GALNT13: variants seen among roughly 807,000 people sequenced by gnomAD.
GALNT13 encodes polypeptide N-acetylgalactosaminyltransferase 13.
In GALNT13, 28 loss-of-function variants were observed where a neutral mutation model predicts 64.2. That is an observed-to-expected ratio of 0.44 (90% CI 0.32 to 0.60). The LOEUF (loss-of-function observed/expected upper bound fraction) is 0.60. Among genes scored for constraint, GALNT13 ranks in the 20% least tolerant of loss-of-function variants. The probability of loss-of-function intolerance (pLI) is 0.05; values close to 1 mark genes in which losing one functional copy is unlikely to be tolerated. For missense variants in GALNT13, 577 were observed against 669.8 expected, an observed-to-expected ratio of 0.86 and a Z score of 1.53; for synonymous variants, 214 against 224.6, an observed-to-expected ratio of 0.95 and a Z score of 0.42.
chr2:153,246,081 G>A, the GALNT13 span, among the ~76,000 whole-genome samples: 4 of 151,014 alleles, frequency 2.6e-5, no homozygotes, highest in African/African-American at 4.9e-5. Context: ...GAAATAAAGT[G>A]TGAAGACAAG....
At chr2:154,374,265 C>T (rs1697855094) in intron 9 of GALNT13, among the ~76,000 whole-genome samples, 1 of 152,110 alleles carries the variant, frequency 6.6e-6, no homozygotes, top group African/African-American at 2.4e-5. Context: ...ATCTAGATCT[C>T]CCTTTGTTGA....
intron 11 of GALNT13, among the ~76,000 whole-genome samples, chr2:154,426,090 A>G (rs1182504334): frequency 2.6e-5 from 4 of 152,188 alleles, no homozygotes. Flanking sequence ...CAGCTGAAAT[A>G]TAGGTGTTGG....
chr2:153,276,300 C>A, the GALNT13 span, among the ~76,000 whole-genome samples: 1 of 151,968 alleles, frequency 6.6e-6, no homozygotes, highest in Non-Finnish European at 1.5e-5. Flanking sequence ...TATCAAAGTT[C>A]ATTCTTTTAT....
rs546439481 is a variant in GALNT13 at position 154,148,911 on chromosome 2, TG to T, written c.311+8407del. On this transcript the variant is annotated intron_variant, in intron 4 of 12. Transcript: ENST00000392825. ...ACTCTGATGGTAGTTTCTTTTGCTG[TG>T]CAGAAGCTCTTGAGTTTAATTAGAT... 7.0e-3 allele frequency among the ~76,000 whole-genome samples: 1,071 copies of T among 152,296 alleles called. 13 individuals carry two copies. The highest frequency in any genetic ancestry group is 0.025 in the African/African-American group (1,033 of 41,566).
At chr2:153,839,673 T>A in the GALNT13 span, among the ~76,000 whole-genome samples, 1 of 151,950 alleles carries the variant, frequency 6.6e-6, no homozygotes, top group Non-Finnish European at 1.5e-5. Flanking sequence ...TATTCATAAT[T>A]TGCAACTTCA....
rs140005270 is a variant in GALNT13 at position 153,946,205 on chromosome 2, A to G, written c.142+1566A>G. 2.4e-3 allele frequency among the ~76,000 whole-genome samples: 369 copies of G among 152,236 alleles called. 8 individuals carry two copies. In the East Asian group the frequency reaches 0.056, roughly 23 times the overall value. On this transcript the variant is annotated intron_variant, in intron 3 of 12. Transcript: ENST00000392825. ...ACTCTGTCATTTGTTGAAGGAAACC[A>G]TCTAGGTTGGTCACATACAAAAAAT...
chr2:154,122,570 G>A (rs1682013345), intron 3 of GALNT13, among the ~76,000 whole-genome samples: 2 of 151,888 alleles, frequency 1.3e-5, no homozygotes, highest in African/African-American at 4.8e-5. Context: ...TTCTTTGTTG[G>A]AAGTATAATT....
At chr2:154,289,396 G>A (rs934821306) in intron 8 of GALNT13, among the ~76,000 whole-genome samples, 1 of 152,166 alleles carries the variant, frequency 6.6e-6, no homozygotes, top group Non-Finnish European at 1.5e-5. Flanking sequence ...AAAGGAAACG[G>A]GTTTAATTGA....
At chr2:154,182,048 C>T (rs1405412648) in intron 4 of GALNT13, among the ~76,000 whole-genome samples, 1 of 152,076 alleles carries the variant, frequency 6.6e-6, no homozygotes, top group Admixed American at 6.6e-5. Context: ...TACCGAATAT[C>T]AAACACTATG....
chr2:154,214,559 A>G (rs994717519), intron 4 of GALNT13, among the ~76,000 whole-genome samples: 2 of 152,134 alleles, frequency 1.3e-5, no homozygotes, highest in African/African-American at 4.8e-5. Flanking sequence ...GAGATAATTG[A>G]ATCATGGAGG....
At chr2:153,994,327 T>G (rs1695371931) in intron 3 of GALNT13, among the ~76,000 whole-genome samples, 2 of 152,230 alleles carry the variant, frequency 1.3e-5, no homozygotes, top group African/African-American at 4.8e-5. Flanking sequence ...TGATGGACAT[T>G]TGGGTTGGTT....
chr2:154,192,607 C>T (rs1298694681), intron 4 of GALNT13, among the ~76,000 whole-genome samples: 1 of 152,100 alleles, frequency 6.6e-6, no homozygotes, highest in African/African-American at 2.4e-5. Flanking sequence ...TCAGGTTTAT[C>T]TTTATAAATT....
the GALNT13 span, among the ~76,000 whole-genome samples, chr2:153,185,488 T>C: frequency 6.6e-6 from 1 of 152,170 alleles, no homozygotes; most frequent in Non-Finnish European, 1.5e-5. Flanking sequence ...TTATGTCTTG[T>C]CCTCTACTAG....
At chr2:153,241,081 G>A in the GALNT13 span, among the ~76,000 whole-genome samples, 12 of 152,226 alleles carry the variant, frequency 7.9e-5, 1 homozygote, top group Middle Eastern at 3.4e-3. Flanking sequence ...CCTTCTGTCC[G>A]TCTTGTCTTT....
At chr2:154,358,947 A>G (rs564966920) in intron 9 of GALNT13, among the ~76,000 whole-genome samples, 4 of 152,222 alleles carry the variant, frequency 2.6e-5, no homozygotes, top group Admixed American at 6.6e-5. Flanking sequence ...GAATAACTGT[A>G]ATAAAATAGG....
At chr2:153,526,955 C>T in the GALNT13 span, among the ~76,000 whole-genome samples, 1 of 151,424 alleles carries the variant, frequency 6.6e-6, no homozygotes, top group Non-Finnish European at 1.5e-5. Flanking sequence ...AAGAAGAAAC[C>T]CTTAAAGATA....
chr2:154,414,436 C>T (rs1422271411), intron 11 of GALNT13, among the ~76,000 whole-genome samples: 2 of 151,896 alleles, frequency 1.3e-5, no homozygotes, highest in African/African-American at 4.8e-5. Context: ...GGTTTATAGT[C>T]ACTGTATTTG....
intron 3 of GALNT13, among the ~76,000 whole-genome samples, chr2:153,964,778 A>T (rs1382297662): frequency 6.6e-6 from 1 of 152,032 alleles, no homozygotes; most frequent in African/African-American, 2.4e-5. Flanking sequence ...TTAAATTTGA[A>T]TTCCACCTAG....
the GALNT13 span, among the ~76,000 whole-genome samples, chr2:153,126,296 GTATATATATATATATA>G: frequency 0.086 from 10,164 of 118,628 alleles, 615 homozygotes; most frequent in South Asian, 0.12. Flanking sequence ...TATTGATTTT[GTATATATATATATATA>G]TATATATATA....
Sources: allele counts gnomAD v4.1 joint callset (sites outside exome capture counted in the v4.1 genomes callset), GRCh38; gene constraint gnomAD v4.1.1; transcripts MANE v1.5; gene names NCBI Gene and HGNC (gene_info 2026-07-23, HGNC 2026-07-21).